The following IFT88 variants were observed in gnomAD, a reference collection of about 807,000 sequenced individuals.
The protein encoded by IFT88 is intraflagellar transport 88.
In IFT88, 74 loss-of-function variants were observed where a neutral mutation model predicts 119.5. The observed-to-expected ratio is 0.62, with a 90% confidence interval of 0.51 to 0.75. IFT88 has a LOEUF of 0.75. Among genes scored for constraint, IFT88 ranks in the 30% least tolerant of loss-of-function variants. The probability of loss-of-function intolerance (pLI) is 0.00; values close to 1 mark genes in which losing one functional copy is unlikely to be tolerated. For synonymous variants in IFT88, 279 were observed against 316.7 expected (o/e 0.88, Z 1.26); for missense variants, 961 against 977.7 (o/e 0.98, Z 0.23).
At chr13:20,593,770 C>T (rs2041149425) in intron 7 of IFT88, among the ~76,000 whole-genome samples, 1 of 151,978 alleles carries the variant, frequency 6.6e-6, no homozygotes, top group African/African-American at 2.4e-5. Flanking sequence ...AGGACACAGG[C>T]CGGGCGTGGT....
chr13:20,665,155 A>G (rs995759915), intron 23 of IFT88, among the ~76,000 whole-genome samples: 2 of 152,202 alleles, frequency 1.3e-5, no homozygotes, highest in African/African-American at 2.4e-5. Context: ...TTTTTAAATC[A>G]AATTTCTAAA....
intron 25 of IFT88, 97 bp from the exon 26 acceptor site, chr13:20,690,957 C>T: frequency 6.8e-7 from 1 of 1,461,322 alleles, no homozygotes. Flanking sequence ...CATTTCTGTT[C>T]ACTCTGAGTT....
At chr13:20,574,588 A>G (rs1349609238) in intron 2 of IFT88, 113 bp downstream of exon 2, 2 of 508,548 alleles carry the variant, frequency 3.9e-6, no homozygotes, top group Non-Finnish European at 7.0e-6. Context: ...AGCTGATTCA[A>G]AAACCTAGAA....
intron 1 of IFT88, among the ~76,000 whole-genome samples, chr13:20,571,118 T>C (rs1566032050): frequency 6.6e-6 from 1 of 152,086 alleles, no homozygotes; most frequent in Admixed American, 6.6e-5. Context: ...CTCAGCCTCC[T>C]GAGTACCTGG....
chr13:20,589,503 A>C (rs969957139), intron 3 of IFT88, among the ~76,000 whole-genome samples: 1 of 152,198 alleles, frequency 6.6e-6, no homozygotes, highest in African/African-American at 2.4e-5. Context: ...AGTGGCTAGC[A>C]GTAATAATTA....
chr13:20,646,831 C>T (rs1699804446), intron 20 of IFT88, among the ~76,000 whole-genome samples: 1 of 151,174 alleles, frequency 6.6e-6, no homozygotes, highest in Non-Finnish European at 1.5e-5. Context: ...ACATCTTTTC[C>T]CTTTCTTGCT....
intron 14 of IFT88, among the ~76,000 whole-genome samples, chr13:20,623,514 G>A (rs147854673): frequency 2.6e-5 from 4 of 152,102 alleles, no homozygotes; most frequent in South Asian, 2.1e-4. Flanking sequence ...TTGCTCTGTC[G>A]CCCAGGCTGG....
rs369560434 is a variant in IFT88, at chr13:20,691,060, C to G, written c.2360C>G (p.Ser787Cys). 1 of 1,613,792 alleles carries G rather than the reference C, an allele frequency of 6.2e-7. No homozygotes were observed. Among genetic ancestry groups the G allele is most frequent in the African/African-American group, 1.3e-5 (1 of 75,046 alleles). The part of the protein sequence containing the change: ...ESSSNKEIDA[S>C]YVDPLGPQIE... Reference sequence around the variant, plus strand: ...CAATCTCTTCGAAACCTAGATGCCTCCTATGTGGACCCACTTGGCCCTCAA... The same window carrying G: ...CAATCTCTTCGAAACCTAGATGCCTGCTATGTGGACCCACTTGGCCCTCAA... Residue 787 changes from serine to cysteine, a missense_variant, in exon 26 of 26, where the codon TCC becomes TGC. By Grantham distance (112) the Ser-to-Cys change is moderately radical (BLOSUM62 -1). Coordinates refer to ENST00000351808, the MANE Select transcript of IFT88 (RefSeq NM_006531.5).
At chr13:20,581,178 G>A (rs756962990) in intron 2 of IFT88, among the ~76,000 whole-genome samples, 20 of 152,118 alleles carry the variant, frequency 1.3e-4, no homozygotes, top group Non-Finnish European at 1.3e-4. Context: ...CTTATGCTTG[G>A]TTTTCTTTGA....
chr13:20,626,647 C>A (rs891266451), intron 15 of IFT88, among the ~76,000 whole-genome samples: 3 of 152,170 alleles, frequency 2.0e-5, no homozygotes, highest in Non-Finnish European at 4.4e-5. Context: ...CCCCGCAGAT[C>A]TCTCACTGGC....
chr13:20,640,551 C>T (rs543146924), intron 17 of IFT88, among the ~76,000 whole-genome samples: 7 of 149,766 alleles, frequency 4.7e-5, no homozygotes, highest in Non-Finnish European at 7.4e-5. Context: ...CCAGCCTGGG[C>T]GACAGAGCGA....
At chr13:20,625,980 T>G (rs1247123798) in intron 15 of IFT88, 131 bp downstream of exon 15, 3 of 443,560 alleles carry the variant, frequency 6.8e-6, no homozygotes, top group African/African-American at 2.1e-5. Context: ...TTTATTTCTA[T>G]TTTATGTTAA....
At chr13:20,636,848 T>C (rs1430925803) in intron 16 of IFT88, among the ~76,000 whole-genome samples, 2 of 152,252 alleles carry the variant, frequency 1.3e-5, no homozygotes, top group Admixed American at 1.3e-4. Context: ...TGAATGTTCA[T>C]GGCAGCATTA....
chr13:20,613,948 A>AAGGCAGAAAGT (rs2045122206), intron 13 of IFT88, among the ~76,000 whole-genome samples: 1 of 104,594 alleles, frequency 9.6e-6, no homozygotes, highest in Non-Finnish European at 2.0e-5. Flanking sequence ...CAAATCTATA[A>AAGGCAGAAAGT]AGATTTGCCA....
At chr13:20,598,614 G>C in intron 9 of IFT88, 37 bp from the exon 10 acceptor site, 1 of 1,306,476 alleles carries the variant, frequency 7.7e-7, no homozygotes, top group Non-Finnish European at 1.1e-6. Context: ...GCCTAAAGTG[G>C]TCTTATGTGT....
chr13:20,587,385 G>A (rs549204309), intron 3 of IFT88, among the ~76,000 whole-genome samples: 42 of 152,122 alleles, frequency 2.8e-4, no homozygotes, highest in Non-Finnish European at 5.3e-4. Context: ...AGCCTCCTGA[G>A]TAGCTGAGAC....
Position 20,583,110 on chromosome 13 carries a change from G to A in IFT88, c.153+91G>A, listed in dbSNP as rs936384650. The A allele has an allele frequency of 2.3e-4, 154 of 680,970 alleles. 1 individual carries two copies. The highest frequency in any genetic ancestry group is 3.6e-4 in the Non-Finnish European group (149 of 410,684). 42.2% of individuals were successfully genotyped at this position (680,970 alleles called of 1,614,324 possible). On this transcript the variant is annotated intron_variant, in intron 3 of 25. Coordinates refer to ENST00000351808, the MANE Select transcript of IFT88 (RefSeq NM_006531.5). ...CCATTTTCACCTGTATATTCCTGTA[G>A]TGTTAAAGATTATAACCATCATTAA... is the stretch of plus-strand genomic sequence containing the variant.
intron 17 of IFT88, among the ~76,000 whole-genome samples, chr13:20,640,925 C>T (rs1262950824): frequency 2.0e-5 from 3 of 152,106 alleles, no homozygotes; most frequent in Non-Finnish European, 4.4e-5. Flanking sequence ...GCAGGTGGAT[C>T]GCTTGAGGCC....
chr13:20,598,841 A>T (rs1257348524), intron 10 of IFT88, 88 bp downstream of exon 10: 4 of 779,242 alleles, frequency 5.1e-6, no homozygotes, highest in Non-Finnish European at 8.8e-6. Context: ...CCTTAAAATG[A>T]AATGATCTAT....
Sources: allele counts gnomAD v4.1 joint callset (sites outside exome capture counted in the v4.1 genomes callset), GRCh38; gene constraint gnomAD v4.1.1; transcripts MANE v1.5; gene names NCBI Gene and HGNC (gene_info 2026-07-23, HGNC 2026-07-21).